PRKAA1: variants seen among roughly 807,000 people sequenced by gnomAD.
The protein encoded by PRKAA1 is protein kinase AMP-activated catalytic subunit alpha 1.
PRKAA1 carries 23 observed loss-of-function variants against 56.9 expected under a neutral mutation model. That is an observed-to-expected ratio of 0.40 (90% CI 0.29 to 0.57). The LOEUF (loss-of-function observed/expected upper bound fraction) is 0.57, where lower values mean the gene tolerates loss of function less well. Among genes scored for constraint, PRKAA1 ranks in the 20% least tolerant of loss-of-function variants. The pLI is 0.39. For missense variants in PRKAA1, 413 were observed against 679.7 expected (o/e 0.61, Z 4.36); for synonymous variants, 226 against 227.0 (o/e 1.00, Z 0.04).
intron 1 of PRKAA1, among the ~76,000 whole-genome samples, chr5:40,792,991 C>T (rs570126650): frequency 8.2e-4 from 124 of 151,024 alleles, no homozygotes; most frequent in African/African-American, 1.5e-3. Context: ...CGCTTGAACC[C>T]GGGAGGTGGA....
intron 4 of PRKAA1, among the ~76,000 whole-genome samples, chr5:40,770,978 A>AT (rs1743720129): frequency 6.6e-6 from 1 of 152,106 alleles, no homozygotes; most frequent in South Asian, 2.1e-4. Flanking sequence ...TTTTAAATAA[A>AT]TTTTTTTAAT....
chr5:40,773,845 G>A (rs1233393509), intron 3 of PRKAA1, among the ~76,000 whole-genome samples: 2 of 152,150 alleles, frequency 1.3e-5, no homozygotes, highest in African/African-American at 4.8e-5. Context: ...CTCTAGTAAG[G>A]CTGAACCAGC....
intron 4 of PRKAA1, among the ~76,000 whole-genome samples, chr5:40,770,112 ATATAGT>A (rs1610943): frequency 0.68 from 102,153 of 151,154 alleles, 34,717 homozygotes; most frequent in East Asian, 0.8. Context: ...ATTTAAATAG[ATATAGT>A]TATAGATATA....
intron 1 of PRKAA1, among the ~76,000 whole-genome samples, chr5:40,781,759 T>C (rs983100523): frequency 1.3e-5 from 2 of 152,178 alleles, no homozygotes; most frequent in African/African-American, 4.8e-5. Context: ...ATATAGGTTT[T>C]ATTAAAAGTA....
intron 1 of PRKAA1, among the ~76,000 whole-genome samples, chr5:40,793,733 C>A (rs142170973): frequency 1.1e-4 from 16 of 152,254 alleles, no homozygotes; most frequent in South Asian, 2.1e-4. Flanking sequence ...TCCATGTCCC[C>A]CTTTCTCTCT....
chr5:40,776,356 A>T (rs1403466642), intron 2 of PRKAA1, among the ~76,000 whole-genome samples: 1 of 152,210 alleles, frequency 6.6e-6, no homozygotes, highest in African/African-American at 2.4e-5. Flanking sequence ...GGTTTGGGAG[A>T]GTAATAAAGA....
chr5:40,798,042 C>T (rs1030179239), intron 1 of PRKAA1, 21 bp downstream of exon 1: 3 of 1,606,024 alleles, frequency 1.9e-6, no homozygotes, highest in Non-Finnish European at 2.6e-6. Context: ...GGGGCCAAGC[C>T]TAGTCCCGCG....
intron 5 of PRKAA1, chr5:40,768,859 C>T: frequency 2.0e-6 from 3 of 1,535,816 alleles, no homozygotes; most frequent in Non-Finnish European, 2.6e-6. Context: ...CAAAAAGCGA[C>T]ACTGTACAAA....
chr5:40,785,959 A>G (rs1421692792), intron 1 of PRKAA1, among the ~76,000 whole-genome samples: 1 of 151,960 alleles, frequency 6.6e-6, no homozygotes, highest in Non-Finnish European at 1.5e-5. Context: ...AGGAGCCACA[A>G]GAAGGTGAAA....
At chr5:40,770,595 C>CTTTT (rs750590564) in intron 4 of PRKAA1, among the ~76,000 whole-genome samples, 27 of 111,862 alleles carry the variant, frequency 2.4e-4, no homozygotes, top group Non-Finnish European at 3.5e-4. Flanking sequence ...AAAATAAATT[C>CTTTT]TTTTTTTTTT....
intron 6 of PRKAA1, among the ~76,000 whole-genome samples, chr5:40,766,345 T>A (rs888683477): frequency 6.6e-6 from 1 of 152,168 alleles, no homozygotes; most frequent in South Asian, 2.1e-4. Context: ...CCTTCTCAGA[T>A]AAATGTGCAG....
Position 40,765,232 on chromosome 5 carries a change from A to G in PRKAA1, c.828T>C (p.His276=), listed in dbSNP as rs768269370. Residue 276 remains histidine, a synonymous_variant, in exon 7 of 9, where the codon CAT becomes CAC. Coordinates refer to ENST00000397128, the MANE Select transcript of PRKAA1 (RefSeq NM_006251.6). The part of the protein sequence containing the change: ...KRATIKDIRE[H]EWFKQDLPKY... ...TTGGAAGGTCCTGTTTAAACCATTCATGTTCCCTGAGAGAAAAATGGCAGG... is the reference window on the plus strand; with the variant it reads ...TTGGAAGGTCCTGTTTAAACCATTCGTGTTCCCTGAGAGAAAAATGGCAGG... The G allele has an allele frequency of 4.4e-6, 7 of 1,604,952 alleles. No homozygotes were observed. The highest frequency in any genetic ancestry group is 6.0e-6 in the Non-Finnish European group (7 of 1,175,256).
At chr5:40,764,672 A>C (rs761245240) in intron 7 of PRKAA1, 32 bp from the exon 8 acceptor site, 1 of 1,606,204 alleles carries the variant, frequency 6.2e-7, no homozygotes, top group Admixed American at 1.7e-5. Context: ...ACCAAGTCAA[A>C]AGTAATTCTT....
rs888217672 is a variant in PRKAA1 at position 40,759,448 on chromosome 5, C to G, written c.*3330G>C. The G allele has an allele frequency of 6.6e-6, 1 of 152,058 alleles. No individual in the cohort carries two copies. Among genetic ancestry groups the G allele is most frequent in the Non-Finnish European group, 1.5e-5 (1 of 68,004 alleles). The allele number at this position is 152,058 out of a possible 1,614,324, so 9.4% of individuals were successfully genotyped here. A position where few individuals can be genotyped will look rare whatever the true frequency, so the allele number is the denominator to read the frequency against. On this transcript the variant is annotated 3_prime_UTR_variant, in exon 9 of 9. Coordinates refer to ENST00000397128, the MANE Select transcript of PRKAA1 (RefSeq NM_006251.6). ...AAATCAAGGAAGCTGAAATTATATA[C>G]TTAAATATACTCTGGTCAAAATATA...
At position 40,797,049 on chromosome 5, in the gene PRKAA1, C is replaced by T. The variant is rs567688695; in HGVS notation, c.127+1014G>A. ...TTGCCAGAATTGGTGGACTGTAGAG[C>T]AAGTTTATTTCCAGAATAGTGTTTT... is the stretch of plus-strand genomic sequence containing the variant. On this transcript the variant is annotated intron_variant, in intron 1 of 8. Coordinates refer to ENST00000397128, the MANE Select transcript of PRKAA1 (RefSeq NM_006251.6). Among the ~76,000 whole-genome samples, 11 of 152,108 alleles carry T rather than the reference C, an allele frequency of 7.2e-5. No individual in the cohort carries two copies. In the South Asian group the frequency reaches 2.3e-3, roughly 32 times the overall value.
chr5:40,764,631 G>C lies in PRKAA1; in HGVS notation c.1318C>G (p.Pro440Ala). The C allele has an allele frequency of 6.2e-7, 1 of 1,613,422 alleles. No individual in the cohort carries two copies. The highest frequency in any genetic ancestry group is 8.5e-7 in the Non-Finnish European group (1 of 1,179,790). The change falls in exon 8 of 9, where the codon CCA becomes GCA. Residue 440 changes from proline to alanine, a missense_variant. Pro to Ala is a conservative substitution (Grantham distance 27). This residue lies in a region of PRKAA1 where 139 missense variants were observed against 171.5 expected (regional missense o/e 0.81). Transcript: ENST00000397128. ...TTCCTTCGTACACGCAAATAATATGGGTTTACAACCTAGCACATGGTATAA... is the reference window on the plus strand; with the variant it reads ...TTCCTTCGTACACGCAAATAATATGCGTTTACAACCTAGCACATGGTATAA... ...QLDYEWKVVN[P>A]YYLRVRRKNP...
chr5:40,762,687 A>G lies in PRKAA1; in HGVS notation c.*91T>C. ...TCCAAAACGCCAGCCCTCGGTTATA[A>G]TTATGTATAACTTGATTACAAATGG... On this transcript the variant is annotated 3_prime_UTR_variant, in exon 9 of 9. Transcript: ENST00000397128. 1 of 1,507,486 alleles carries G rather than the reference A, an allele frequency of 6.6e-7. No individual in the cohort carries two copies. The allele number at this position is 1,507,486 out of a possible 1,614,324, so 93.4% of individuals were successfully genotyped here. A position where few individuals can be genotyped will look rare whatever the true frequency, so the allele number is the denominator to read the frequency against.
At chr5:40,770,548 A>C (rs1000533088) in intron 4 of PRKAA1, among the ~76,000 whole-genome samples, 2 of 151,950 alleles carry the variant, frequency 1.3e-5, no homozygotes, top group Non-Finnish European at 2.9e-5. Flanking sequence ...TCTTAGGTTT[A>C]GTAAGGTCAA....
chr5:40,771,929 C>T, intron 3 of PRKAA1, 66 bp from the exon 4 acceptor site: 1 of 1,533,572 alleles, frequency 6.5e-7, no homozygotes, highest in African/African-American at 1.4e-5. Flanking sequence ...ATCTATAATT[C>T]TCCAACCTAT....
Sources: allele counts gnomAD v4.1 joint callset (sites outside exome capture counted in the v4.1 genomes callset), GRCh38; gene constraint gnomAD v4.1.1; regional missense constraint gnomAD v4.1.1; transcripts MANE v1.5; gene names NCBI Gene and HGNC (gene_info 2026-07-23, HGNC 2026-07-21).